TRPC1: variants seen among roughly 807,000 people sequenced by gnomAD.
TRPC1 encodes the protein transient receptor potential cation channel subfamily C member 1.
A neutral mutation model predicts 88.2 loss-of-function variants in TRPC1; 42 were observed. That is an observed-to-expected ratio of 0.48 (90% confidence interval 0.37 to 0.62). TRPC1 has a LOEUF of 0.62. Ranked by LOEUF, TRPC1 falls within the 20% of genes least tolerant of loss-of-function variation. The pLI is 0.00. For missense variants in TRPC1, 699 were observed against 957.3 expected (o/e 0.73, Z 3.56); for synonymous variants, 288 against 331.8 (o/e 0.87, Z 1.43).
At chr3:142,789,225 A>G (rs889124022) in intron 7 of TRPC1, among the ~76,000 whole-genome samples, 3 of 152,154 alleles carry the variant, frequency 2.0e-5, no homozygotes, top group Admixed American at 6.5e-5. Context: ...GGATTTGTTT[A>G]ATATGTTTCT....
intron 8 of TRPC1, 79 bp downstream of exon 8, chr3:142,791,237 A>G: frequency 7.9e-7 from 1 of 1,269,208 alleles, no homozygotes; most frequent in Non-Finnish European, 1.1e-6. Flanking sequence ...TATGTAACTC[A>G]GAGTTACATT....
At chr3:142,797,174 T>G (rs1936478985) in intron 9 of TRPC1, among the ~76,000 whole-genome samples, 3 of 145,422 alleles carry the variant, frequency 2.1e-5, no homozygotes, top group African/African-American at 5.1e-5. Flanking sequence ...GAAAAAAGGT[T>G]GTTTTTTTTT....
At position 142,724,786 on chromosome 3, in the gene TRPC1, C is replaced by T; in HGVS notation, c.172+55C>T. On this transcript the variant is annotated intron_variant, in intron 1 of 12. Coordinates refer to ENST00000476941, the MANE Select transcript of TRPC1 (RefSeq NM_001251845.2). The surrounding 1 kb of genome is among the most constrained non-coding windows in gnomAD (Gnocchi z 5.6). ...CGCCCCTGTCCTCCAGACCTTTAGT[C>T]CTCTCCCCCGCCTCAACTTATATCG... The T allele has an allele frequency of 2.1e-6, 3 of 1,456,276 alleles. No individual in the cohort carries two copies. The highest frequency in any genetic ancestry group is 2.7e-6 in the Non-Finnish European group (3 of 1,095,828). The allele number at this position is 1,456,276 out of a possible 1,614,324, so 90.2% of individuals were successfully genotyped here.
At chr3:142,753,470 A>G (rs1334127117) in intron 4 of TRPC1, among the ~76,000 whole-genome samples, 2 of 152,122 alleles carry the variant, frequency 1.3e-5, no homozygotes, top group Admixed American at 6.5e-5. Flanking sequence ...AGGTTAACAA[A>G]ATTAGTAAAA....
At chr3:142,782,133 T>G (rs1307851886) in intron 6 of TRPC1, among the ~76,000 whole-genome samples, 1 of 151,830 alleles carries the variant, frequency 6.6e-6, no homozygotes, top group African/African-American at 2.4e-5. Context: ...AAAAAGAACC[T>G]CAAAGAAAGG....
chr3:142,724,599 G>GCCT lies in TRPC1; in HGVS notation c.52_54dup (p.Ser18dup), dbSNP rs759756419. On this transcript the variant is annotated inframe_insertion, in exon 1 of 13. Transcript: ENST00000476941. The surrounding 1 kb of genome is among the most constrained non-coding windows in gnomAD (Gnocchi z 5.6). Reference sequence around the variant, plus strand: ...GTACCCGAGCACGGACCTCTCGGGCGCCTCCTCCTCCTCCCTGCCTTCCTC... The same window carrying GCCT: ...GTACCCGAGCACGGACCTCTCGGGCGCCTCCTCCTCCTCCTCCCTGCCTTCCTC... 40 of 1,603,340 alleles carry GCCT rather than the reference G, an allele frequency of 2.5e-5. No individual in the cohort carries two copies. Among genetic ancestry groups the GCCT allele is most frequent in the South Asian group, 1.0e-4 (9 of 89,480 alleles).
chr3:142,770,004 ATC>A (rs1488730859), intron 4 of TRPC1, among the ~76,000 whole-genome samples: 1 of 146,254 alleles, frequency 6.8e-6, no homozygotes, highest in Non-Finnish European at 1.5e-5. Flanking sequence ...GTTGTTCATT[ATC>A]TGTTTCTCCA....
At chr3:142,754,837 A>T (rs1247084663) in intron 4 of TRPC1, among the ~76,000 whole-genome samples, 1 of 152,142 alleles carries the variant, frequency 6.6e-6, no homozygotes, top group Non-Finnish European at 1.5e-5. Flanking sequence ...AATATACAAG[A>T]GTGACACGGA....
At chr3:142,773,415 G>T (rs1418260484) in intron 4 of TRPC1, among the ~76,000 whole-genome samples, 1 of 151,840 alleles carries the variant, frequency 6.6e-6, no homozygotes, top group Admixed American at 6.6e-5. Context: ...TATGCTCACA[G>T]TACTAAAAGG....
chr3:142,725,062 C>T (rs998737866), intron 1 of TRPC1, among the ~76,000 whole-genome samples: 2 of 152,226 alleles, frequency 1.3e-5, no homozygotes, highest in Admixed American at 1.3e-4. Context: ...ATGACCTGGT[C>T]TTCTCTCTGG....
chr3:142,777,107 C>T (rs182236300), intron 4 of TRPC1, among the ~76,000 whole-genome samples: 3 of 152,100 alleles, frequency 2.0e-5, no homozygotes, highest in African/African-American at 7.2e-5. Context: ...AGGCCAGGAG[C>T]TTAAGACTAG....
intron 4 of TRPC1, among the ~76,000 whole-genome samples, chr3:142,761,012 T>G (rs948093544): frequency 6.6e-6 from 1 of 152,178 alleles, no homozygotes; most frequent in African/African-American, 2.4e-5. Flanking sequence ...GTTTTTTTGA[T>G]GTAAGATCAT....
chr3:142,798,915 GT>G (rs1936528404), intron 9 of TRPC1, among the ~76,000 whole-genome samples: 1 of 152,134 alleles, frequency 6.6e-6, no homozygotes. Context: ...GATTTAGGTT[GT>G]TTTTGTTGTT....
intron 3 of TRPC1, among the ~76,000 whole-genome samples, chr3:142,746,886 AC>A (rs923480963): frequency 5.0e-4 from 76 of 151,966 alleles, no homozygotes; most frequent in African/African-American, 1.8e-3. Context: ...TGGCCTTTAG[AC>A]CCATAATTCT....
chr3:142,744,549 G>A (rs1421155966), intron 3 of TRPC1, among the ~76,000 whole-genome samples: 2 of 152,122 alleles, frequency 1.3e-5, no homozygotes, highest in Non-Finnish European at 2.9e-5. Flanking sequence ...GGAATATTAT[G>A]CAGTCATTAA....
chr3:142,788,782 GT>G (rs1936209703), intron 7 of TRPC1, among the ~76,000 whole-genome samples: 1 of 152,074 alleles, frequency 6.6e-6, no homozygotes. Context: ...AATATAGAAT[GT>G]TGGTTATGTA....
chr3:142,802,761 T>C (rs1936662461), intron 10 of TRPC1, among the ~76,000 whole-genome samples: 1 of 152,048 alleles, frequency 6.6e-6, no homozygotes, highest in Admixed American at 6.6e-5. Flanking sequence ...GTCATTAGAA[T>C]TGAGAATCAT....
chr3:142,805,859 C>A, intron 12 of TRPC1, 149 bp from the exon 13 acceptor site: 1 of 582,696 alleles, frequency 1.7e-6, no homozygotes, highest in Non-Finnish European at 2.9e-6. Context: ...TTGTTTTAAA[C>A]AAGTGTTGAA....
chr3:142,739,425 C>G (rs1376631139), intron 2 of TRPC1, among the ~76,000 whole-genome samples: 1 of 152,156 alleles, frequency 6.6e-6, no homozygotes, highest in Non-Finnish European at 1.5e-5. Context: ...TGCTAATCTA[C>G]TCTCAAACAT....
Sources: gnomAD v4.1 joint callset for allele counts (sites outside exome capture counted in the v4.1 genomes callset) on GRCh38, gnomAD v4.1.1 for gene constraint, Gnocchi (gnomAD v3.1) non-coding constraint, MANE v1.5 for transcripts, NCBI Gene and HGNC (gene_info 2026-07-23, HGNC 2026-07-21) for gene names.